Variants in PCDHGA2 observed in about 807,000 individuals in gnomAD.
PCDHGA2 encodes the protein protocadherin gamma subfamily A, 2.
In PCDHGA2, 40 loss-of-function variants were observed where a neutral mutation model predicts 59.2. The observed-to-expected ratio is 0.68, with a 90% CI of 0.52 to 0.88. The LOEUF (loss-of-function observed/expected upper bound fraction) is 0.88, where lower values mean the gene tolerates loss of function less well. Among genes scored for constraint, PCDHGA2 ranks in the 40% least tolerant of loss-of-function variants. The pLI is 0.00. For missense variants in PCDHGA2, 1,226 were observed against 1,204.0 expected, an observed-to-expected ratio of 1.02 and a Z score of -0.27; for synonymous variants, 560 against 526.0, an observed-to-expected ratio of 1.06 and a Z score of -0.89.
chr5:141,480,225 G>A (rs1217912404), intron 1 of PCDHGA2, among the ~76,000 whole-genome samples: 1 of 147,152 alleles, frequency 6.8e-6, no homozygotes, highest in East Asian at 2.0e-4. Flanking sequence ...GCGACATAGT[G>A]AGATCCTGTC....
chr5:141,374,262 C>A lies in PCDHGA2; in HGVS notation c.2424+32867C>A, dbSNP rs369097101. The A allele has an allele frequency of 8.4e-5, 136 of 1,613,824 alleles. No individual in the cohort carries two copies. Among genetic ancestry groups the A allele is most frequent in the Non-Finnish European group, 1.1e-4 (132 of 1,179,878 alleles). On this transcript the variant is annotated intron_variant, in intron 1 of 3. Transcript: ENST00000394576. ...CTGGGACTGGAGCCCCAGGAGTTGG[C>A]GGAGCACGGAGTCCGCATCGTCTCC...
chr5:141,478,381 C>A (rs931860600), intron 1 of PCDHGA2: 1 of 1,613,664 alleles, frequency 6.2e-7, no homozygotes, highest in Admixed American at 1.7e-5. Flanking sequence ...TGTCGCCGCA[C>A]CTTTACCATC....
intron 1 of PCDHGA2, chr5:141,419,596 G>T: frequency 6.2e-7 from 1 of 1,611,682 alleles, no homozygotes; most frequent in Non-Finnish European, 8.5e-7. Flanking sequence ...ACACAGTGCC[G>T]CGGGCCGCGC....
intron 1 of PCDHGA2, among the ~76,000 whole-genome samples, chr5:141,463,911 T>C (rs749224024): frequency 6.6e-6 from 1 of 152,156 alleles, no homozygotes; most frequent in African/African-American, 2.4e-5. Context: ...TAATAATATA[T>C]CCTGGAAATC....
chr5:141,346,324 G>A lies in PCDHGA2; in HGVS notation c.2424+4929G>A, dbSNP rs1354515238. The stretch of plus-strand genomic sequence containing the variant: ...GAGGTCTCCCTCACTGCGGACTCGC[G>A]GAAGAGCCACCTGATTTTCCCCCAG... On this transcript the variant is annotated intron_variant, in intron 1 of 3. Transcript: ENST00000394576. The A allele has an allele frequency of 6.8e-6, 11 of 1,614,048 alleles. No individual in the cohort carries two copies. The highest frequency in any genetic ancestry group is 2.2e-5 in the South Asian group (2 of 91,082).
chr5:141,357,352 C>T (rs1341933650), intron 1 of PCDHGA2: 2 of 1,614,156 alleles, frequency 1.2e-6, no homozygotes, highest in Non-Finnish European at 1.7e-6. Flanking sequence ...CAAGCTGAGA[C>T]GCTGGCACAA....
chr5:141,409,491 C>T (rs747701093), intron 1 of PCDHGA2: 3 of 1,613,994 alleles, frequency 1.9e-6, no homozygotes, highest in East Asian at 2.2e-5. Flanking sequence ...AGGGGCAAGC[C>T]GCCTCTTTCT....
At chr5:141,501,540 A>G (rs151047391) in intron 2 of PCDHGA2, among the ~76,000 whole-genome samples, 2 of 152,138 alleles carry the variant, frequency 1.3e-5, no homozygotes, top group East Asian at 3.9e-4. Flanking sequence ...GTTGTTGTGC[A>G]TAAGATCATA....
At chr5:141,465,657 G>A (rs904553709) in intron 1 of PCDHGA2, among the ~76,000 whole-genome samples, 4 of 152,130 alleles carry the variant, frequency 2.6e-5, no homozygotes, top group East Asian at 1.9e-4. Flanking sequence ...CCAAAAAAGC[G>A]CTTGCCATGA....
At chr5:141,499,779 C>T (rs1450026011) in intron 2 of PCDHGA2, among the ~76,000 whole-genome samples, 3 of 151,452 alleles carry the variant, frequency 2.0e-5, no homozygotes, top group Non-Finnish European at 4.4e-5. Flanking sequence ...CTTCGCCTCC[C>T]GGGTTCAAGC....
In PCDHGA2 at chr5:141,340,016, A is replaced by C; in HGVS notation, c.1045A>C (p.Met349Leu). 4 of 1,614,194 alleles carry C rather than the reference A, an allele frequency of 2.5e-6. No individual in the cohort carries two copies. Among genetic ancestry groups the C allele is most frequent in the Non-Finnish European group, 3.4e-6 (4 of 1,180,026 alleles). The change falls in exon 1 of 4, where the codon ATG becomes CTG. Residue 349 changes from methionine (M) to leucine (L), a missense_variant. By Grantham distance (15) the Met-to-Leu change is conservative. Coordinates refer to ENST00000394576, the MANE Select transcript of PCDHGA2 (RefSeq NM_018915.4). ...GAATGACAATGCCCCAGAATTTTAC[A>C]TGACATCTGCTACTAGCTCAGTTTC... Reference protein sequence around the residue: ...DVNDNAPEFYMTSATSSVSED... With the variant: ...DVNDNAPEFYLTSATSSVSED...
At chr5:141,510,795 G>A in intron 3 of PCDHGA2, 152 bp from the exon 4 acceptor site, 6 of 1,465,214 alleles carry the variant, frequency 4.1e-6, no homozygotes, top group Non-Finnish European at 5.5e-6. Context: ...CTTGTGAAGA[G>A]AGACTACCTT....
chr5:141,338,942 T>A lies in PCDHGA2; in HGVS notation c.-30T>A. 6.6e-7 allele frequency: 1 copy of A among 1,523,038 alleles called. No individual in the cohort carries two copies. The highest frequency in any genetic ancestry group is 1.3e-5 in the South Asian group (1 of 76,106). The allele number at this position is 1,523,038 out of a possible 1,614,324, so 94.3% of individuals were successfully genotyped here. On this transcript the variant is annotated 5_prime_UTR_variant, in exon 1 of 4. Coordinates refer to ENST00000394576, the MANE Select transcript of PCDHGA2 (RefSeq NM_018915.4). ...GGAATCCGCACTGGATGCTGGAAGT[T>A]GACTCGGAGAAAATTGCGACAGGAG...
chr5:141,355,487 G>A (rs374822875), intron 1 of PCDHGA2: 2 of 1,613,940 alleles, frequency 1.2e-6, no homozygotes, highest in African/African-American at 1.3e-5. Context: ...GAGGAGCTCT[G>A]CGACAGATCT....
chr5:141,503,214 T>C (rs994291483), intron 2 of PCDHGA2, among the ~76,000 whole-genome samples: 7 of 152,096 alleles, frequency 4.6e-5, no homozygotes, highest in African/African-American at 1.7e-4. Flanking sequence ...GTGCCCACCA[T>C]GAGCACCGTA....
intron 1 of PCDHGA2, chr5:141,395,358 G>A: frequency 1.5e-6 from 2 of 1,346,158 alleles, no homozygotes; most frequent in Non-Finnish European, 9.9e-7. Context: ...ACAGAGTTTT[G>A]GGTTTATTTT....
intron 1 of PCDHGA2, chr5:141,426,610 C>G (rs1376781969): frequency 2.6e-6 from 1 of 382,832 alleles, no homozygotes; most frequent in Non-Finnish European, 5.3e-6. Context: ...GAGATTGTAG[C>G]AGAGAATCCT....
intron 1 of PCDHGA2, chr5:141,422,206 G>A (rs1269700250): frequency 6.4e-7 from 1 of 1,562,324 alleles, no homozygotes; most frequent in Non-Finnish European, 8.6e-7. Flanking sequence ...AGATGGTGGA[G>A]GTCTCTTTAC....
At position 141,341,273 on chromosome 5, in the gene PCDHGA2, CT is replaced by C; in HGVS notation, c.2303del (p.Leu768ArgfsTer84). The C allele has an allele frequency of 1.2e-6, 2 of 1,614,218 alleles. No homozygotes were observed. Among genetic ancestry groups the C allele is most frequent in the Non-Finnish European group, 1.7e-6 (2 of 1,180,038 alleles). ...SLTADSRKSH[L>X]IFPQPNYADT... Reference sequence around the variant, plus strand: ...CACTGCGGACTCGCGGAAGAGCCACCTGATTTTCCCCCAGCCCAACTATGCG... The same window carrying C: ...CACTGCGGACTCGCGGAAGAGCCACCGATTTTCCCCCAGCCCAACTATGCG... On this transcript the variant is annotated frameshift_variant, in exon 1 of 4. Coordinates refer to ENST00000394576, the MANE Select transcript of PCDHGA2 (RefSeq NM_018915.4). LOFTEE classifies it high-confidence loss of function.
Sources: allele counts gnomAD v4.1 joint callset (sites outside exome capture counted in the v4.1 genomes callset), GRCh38; gene constraint gnomAD v4.1.1; transcripts MANE v1.5; gene names NCBI Gene and HGNC (gene_info 2026-07-23, HGNC 2026-07-21).